ZNF334: variants seen among roughly 807,000 people sequenced by gnomAD.
The protein encoded by ZNF334 is zinc finger protein 334.
ZNF334 carries 14 observed loss-of-function variants against 12.4 expected under a neutral mutation model. The ratio of observed to expected loss-of-function variants is 1.13; its 90% confidence interval spans 0.74 to 1.76. ZNF334 has a LOEUF of 1.76. ZNF334 is among the 40% of genes most tolerant of loss of function. ZNF334 has a pLI of 0.00. For synonymous variants in ZNF334, 273 were observed against 269.6 expected, an observed-to-expected ratio of 1.01 and a Z score of -0.12; for missense variants, 797 against 804.5, an observed-to-expected ratio of 0.99 and a Z score of 0.11.
At chr20:46,484,093 A>G in the ZNF334 span, among the ~76,000 whole-genome samples, 1 of 152,080 alleles carries the variant, frequency 6.6e-6, no homozygotes, top group Admixed American at 6.6e-5. Context: ...TCAGCAAAAA[A>G]CCGATGTCCC....
At chr20:46,478,334 C>T in the ZNF334 span, among the ~76,000 whole-genome samples, 1 of 152,194 alleles carries the variant, frequency 6.6e-6, no homozygotes. Context: ...GGTGGGACAA[C>T]TGGAAGGCAA....
the ZNF334 span, among the ~76,000 whole-genome samples, chr20:46,487,438 C>G: frequency 2.0e-5 from 3 of 151,966 alleles, no homozygotes; most frequent in Admixed American, 6.5e-5. Context: ...TTATTCCATT[C>G]GTGTATTTGT....
At chr20:46,510,632 A>T (rs1270720942) in intron 2 of ZNF334, among the ~76,000 whole-genome samples, 1 of 151,664 alleles carries the variant, frequency 6.6e-6, no homozygotes, top group Non-Finnish European at 1.5e-5. Flanking sequence ...AGGCTGAGGC[A>T]GGAGAATGGT....
At position 46,502,273 on chromosome 20, in the gene ZNF334, T is replaced by G. The variant is rs774645140; in HGVS notation, c.1066A>C (p.Asn356His). 5.0e-6 allele frequency: 8 copies of G among 1,614,170 alleles called. No individual in the cohort carries two copies. The highest frequency in any genetic ancestry group is 6.8e-6 in the Non-Finnish European group (8 of 1,180,016). ...EKPYECKECG[N>H]AFSKKSYLVV... ...AGATACGATTTCTTGCTGAAGGCAT[T>G]TCCACATTCCTTGCATTCGTAAGGC... Residue 356 changes from asparagine to histidine, a missense_variant, in exon 5 of 5, where the codon AAT becomes CAT. Physicochemically the swap from Asn to His is moderately conservative, Grantham distance 68 (BLOSUM62 1). Coordinates refer to ENST00000692313, the MANE Select transcript of ZNF334 (RefSeq NM_001353824.2).
rs1391915857 is a variant in ZNF334 at position 46,504,282 on chromosome 20, A to G, written c.173T>C (p.Val58Ala). The G allele has an allele frequency of 1.2e-6, 2 of 1,613,824 alleles. No individual in the cohort carries two copies. Among genetic ancestry groups the G allele is most frequent in the Non-Finnish European group, 1.7e-6 (2 of 1,179,906 alleles). ...SVGYHVSKPD[V>A]IFKLEQGEEP... Reference sequence around the variant, plus strand: ...TTCTCCTTGCTCCAATTTGAAAATCACATCTGGTTTGCTAACATGATACCC... The same window carrying G: ...TTCTCCTTGCTCCAATTTGAAAATCGCATCTGGTTTGCTAACATGATACCC... Residue 58 changes from valine (V) to alanine (A), a missense_variant, in exon 4 of 5, where the codon GTG (valine) becomes GCG (alanine). Val to Ala is a moderately conservative substitution (Grantham distance 64, BLOSUM62 0). Transcript: ENST00000692313.
the ZNF334 span, among the ~76,000 whole-genome samples, chr20:46,480,251 G>C: frequency 2.6e-5 from 4 of 152,080 alleles, no homozygotes; most frequent in Non-Finnish European, 4.4e-5. Flanking sequence ...ACAGGTTCTG[G>C]GGGTTAGGAT....
At chr20:46,477,986 A>G in the ZNF334 span, among the ~76,000 whole-genome samples, 6 of 152,242 alleles carry the variant, frequency 3.9e-5, no homozygotes, top group East Asian at 1.9e-4. Context: ...AAAACAGACT[A>G]TTCTGAAATA....
chr20:46,511,184 G>A (rs1411714530), intron 2 of ZNF334, among the ~76,000 whole-genome samples: 1 of 151,158 alleles, frequency 6.6e-6, no homozygotes, highest in East Asian at 1.9e-4. Flanking sequence ...TTGAACCCAG[G>A]AGTTCGAGAC....
At position 46,502,748 on chromosome 20, in the gene ZNF334, A is replaced by T. The variant is rs2061277339; in HGVS notation, c.591T>A (p.Ile197=). The change falls in exon 5 of 5, where the codon ATT becomes ATA. Residue 197 remains isoleucine, a synonymous_variant. Transcript: ENST00000692313. ...RKASNQNENL[I]LHQNIQILKQ... ...TCAAAATCTGAATGTTCTGGTGCAG[A>T]ATAAGATTTTCGTTTTGATTGCTGG... 9.3e-6 allele frequency: 15 copies of T among 1,613,764 alleles called. No individual in the cohort carries two copies. The highest frequency in any genetic ancestry group is 1.2e-5 in the Non-Finnish European group (14 of 1,180,022).
chr20:46,497,039 A>G (rs568526750), downstream of ZNF334, among the ~76,000 whole-genome samples: 12 of 152,320 alleles, frequency 7.9e-5, no homozygotes, highest in East Asian at 1.2e-3. Flanking sequence ...CTTGATAACA[A>G]ATTTGTCATC....
the ZNF334 span, among the ~76,000 whole-genome samples, chr20:46,488,776 T>C: frequency 6.6e-6 from 1 of 151,362 alleles, no homozygotes; most frequent in Non-Finnish European, 1.5e-5. Flanking sequence ...TTGAAAGCCA[T>C]ATGCTGGGCA....
At chr20:46,503,246 A>C in intron 4 of ZNF334, 149 bp from the exon 5 acceptor site, 1 of 995,714 alleles carries the variant, frequency 1.0e-6, no homozygotes, top group African/African-American at 1.6e-5. Context: ...AATATCTCTT[A>C]CTTGGTTGAT....
chr20:46,464,280 C>A, the ZNF334 span: 2 of 554,112 alleles, frequency 3.6e-6, no homozygotes, highest in South Asian at 2.9e-5. Flanking sequence ...CTTCTTTCTC[C>A]CGCCTGGTAC....
intron 2 of ZNF334, among the ~76,000 whole-genome samples, chr20:46,507,324 G>C (rs921486176): frequency 2.6e-5 from 4 of 152,248 alleles, no homozygotes; most frequent in East Asian, 3.9e-4. Flanking sequence ...AAAGTGTCAA[G>C]GTTGTAAGTG....
chr20:46,488,807 T>C, the ZNF334 span, among the ~76,000 whole-genome samples: 1 of 151,660 alleles, frequency 6.6e-6, no homozygotes, highest in South Asian at 2.1e-4. Context: ...GTTAATAGTT[T>C]TTTTTTTTTT....
the ZNF334 span, among the ~76,000 whole-genome samples, chr20:46,480,854 GC>G: frequency 6.6e-6 from 1 of 152,154 alleles, no homozygotes; most frequent in African/African-American, 2.4e-5. Context: ...TTTGTTCAAG[GC>G]AGAAATGGAA....
intron 2 of ZNF334, among the ~76,000 whole-genome samples, chr20:46,510,674 T>G (rs2146009754): frequency 6.8e-6 from 1 of 148,028 alleles, no homozygotes; most frequent in East Asian, 2.0e-4. Context: ...AGGAGAATGG[T>G]GTGAACCCGG....
chr20:46,479,062 AG>A, the ZNF334 span, among the ~76,000 whole-genome samples: 1 of 152,164 alleles, frequency 6.6e-6, no homozygotes, highest in African/African-American at 2.4e-5. Flanking sequence ...CTGCAAACTT[AG>A]TGGCTCAAAA....
At chr20:46,493,090 G>GAA in the ZNF334 span, among the ~76,000 whole-genome samples, 3 of 142,006 alleles carry the variant, frequency 2.1e-5, no homozygotes, top group South Asian at 2.2e-4. Context: ...TCTGTCTTTA[G>GAA]AAAAAAAAAA....
Sources: allele counts gnomAD v4.1 joint callset (sites outside exome capture counted in the v4.1 genomes callset), GRCh38; gene constraint gnomAD v4.1.1; transcripts MANE v1.5; gene names NCBI Gene and HGNC (gene_info 2026-07-23, HGNC 2026-07-21).